The following AGBL4 variants were observed in gnomAD, a reference collection of about 807,000 sequenced individuals.
The protein encoded by AGBL4 is cytosolic carboxypeptidase 6.
A neutral mutation model predicts 66.4 loss-of-function variants in AGBL4; 58 were observed. The observed-to-expected ratio is 0.87, with a 90% CI of 0.71 to 1.09. The LOEUF (loss-of-function observed/expected upper bound fraction) is 1.09. Ranked by LOEUF, AGBL4 falls within the 50% of genes least tolerant of loss-of-function variation. The pLI is 0.00. For missense variants in AGBL4, 579 were observed against 631.0 expected (o/e 0.92, Z 0.88); for synonymous variants, 234 against 222.9 (o/e 1.05, Z -0.44).
At chr1:49,822,241 G>A (rs112945968) in intron 2 of AGBL4, among the ~76,000 whole-genome samples, 11 of 152,024 alleles carry the variant, frequency 7.2e-5, no homozygotes, top group African/African-American at 2.4e-4. Context: ...ATTTCCATCC[G>A]GGTCAACAAC....
chr1:49,846,207 A>T, intron 2 of AGBL4: 1 of 1,461,400 alleles, frequency 6.8e-7, no homozygotes, highest in Non-Finnish European at 9.6e-7. Context: ...TCACTCAGCC[A>T]GCACAAAAGG....
chr1:49,037,249 T>C (rs1314790873), intron 5 of AGBL4, among the ~76,000 whole-genome samples: 1 of 152,006 alleles, frequency 6.6e-6, no homozygotes, highest in Non-Finnish European at 1.5e-5. Flanking sequence ...GTCATTCCTA[T>C]TATTATATAT....
intron 6 of AGBL4, among the ~76,000 whole-genome samples, chr1:48,759,527 T>G (rs557426335): frequency 1.3e-5 from 2 of 152,354 alleles, no homozygotes; most frequent in South Asian, 4.1e-4. Flanking sequence ...GGACACTGGT[T>G]TCCCAGGCCT....
At chr1:49,221,036 A>G (rs1381998828) in intron 4 of AGBL4, among the ~76,000 whole-genome samples, 2 of 152,164 alleles carry the variant, frequency 1.3e-5, no homozygotes, top group African/African-American at 2.4e-5. Context: ...GGTCTCCAAT[A>G]GCTCACAATC....
intron 4 of AGBL4, among the ~76,000 whole-genome samples, chr1:49,185,234 C>T (rs1359872395): frequency 6.6e-6 from 1 of 152,178 alleles, no homozygotes; most frequent in Non-Finnish European, 1.5e-5. Context: ...AGAAAATCCA[C>T]TTGACATAAC....
At chr1:49,297,394 G>T (rs1465812464) in intron 3 of AGBL4, among the ~76,000 whole-genome samples, 2 of 152,182 alleles carry the variant, frequency 1.3e-5, no homozygotes, top group Non-Finnish European at 2.9e-5. Flanking sequence ...ACAGGTTAAA[G>T]AAAGAGTGCT....
chr1:49,452,023 C>T (rs75969515), intron 3 of AGBL4, among the ~76,000 whole-genome samples: 5 of 151,838 alleles, frequency 3.3e-5, no homozygotes, highest in African/African-American at 4.8e-5. Context: ...CAATACTAAA[C>T]CTTCACCCAA....
At chr1:49,192,443 C>G (rs1305273848) in intron 4 of AGBL4, among the ~76,000 whole-genome samples, 1 of 152,084 alleles carries the variant, frequency 6.6e-6, no homozygotes, top group Non-Finnish European at 1.5e-5. Flanking sequence ...GGATTATAGG[C>G]ACACGCCACC....
intron 3 of AGBL4, among the ~76,000 whole-genome samples, chr1:49,619,097 T>C (rs899880311): frequency 1.3e-5 from 2 of 152,114 alleles, no homozygotes; most frequent in Non-Finnish European, 2.9e-5. Context: ...CTATTCAACA[T>C]AGAACTGGAA....
At chr1:48,669,885 C>T (rs1481717744) in intron 6 of AGBL4, among the ~76,000 whole-genome samples, 2 of 152,124 alleles carry the variant, frequency 1.3e-5, no homozygotes, top group Non-Finnish European at 2.9e-5. Context: ...TTTCAGTTCC[C>T]GACTCGTTAG....
At chr1:48,776,792 A>G (rs1164802876) in intron 6 of AGBL4, 1 of 1,524,876 alleles carries the variant, frequency 6.6e-7, no homozygotes, top group African/African-American at 1.4e-5. Flanking sequence ...GGCAGCGCGT[A>G]GCAGACGTTG....
intron 4 of AGBL4, among the ~76,000 whole-genome samples, chr1:49,206,680 C>G (rs1648158402): frequency 1.3e-5 from 2 of 152,208 alleles, no homozygotes; most frequent in Non-Finnish European, 2.9e-5. Flanking sequence ...GGGCCATACA[C>G]TGCACCTGCG....
intron 4 of AGBL4, among the ~76,000 whole-genome samples, chr1:49,062,985 C>T (rs1442951164): frequency 1.3e-5 from 2 of 152,110 alleles, no homozygotes; most frequent in African/African-American, 4.8e-5. Context: ...TTCACAACTT[C>T]CTACTTTTTA....
At chr1:49,086,843 C>T (rs1161995032) in intron 4 of AGBL4, among the ~76,000 whole-genome samples, 1 of 152,022 alleles carries the variant, frequency 6.6e-6, no homozygotes, top group Non-Finnish European at 1.5e-5. Context: ...AGCCTGCCTG[C>T]CAACTGTAGC....
At chr1:49,217,516 C>T (rs1332020885) in intron 4 of AGBL4, among the ~76,000 whole-genome samples, 1 of 152,146 alleles carries the variant, frequency 6.6e-6, no homozygotes, top group African/African-American at 2.4e-5. Context: ...TATGCACCCA[C>T]CTTACACTTG....
intron 3 of AGBL4, among the ~76,000 whole-genome samples, chr1:49,453,560 A>G (rs1168528260): frequency 6.6e-6 from 1 of 151,814 alleles, no homozygotes; most frequent in Non-Finnish European, 1.5e-5. Flanking sequence ...TCATGCTCTC[A>G]AGGCAATAAA....
At chr1:48,869,981 C>G (rs540593767) in intron 5 of AGBL4, among the ~76,000 whole-genome samples, 2 of 152,068 alleles carry the variant, frequency 1.3e-5, no homozygotes, top group South Asian at 4.1e-4. Flanking sequence ...GTCCCCAAAT[C>G]CACAGACATT....
At chr1:49,374,987 TGA>T (rs1644442697) in intron 3 of AGBL4, among the ~76,000 whole-genome samples, 1 of 152,168 alleles carries the variant, frequency 6.6e-6, no homozygotes, top group Non-Finnish European at 1.5e-5. Flanking sequence ...GCTTTACCTT[TGA>T]CCAACCTCTC....
intron 4 of AGBL4, among the ~76,000 whole-genome samples, chr1:49,182,107 C>T (rs1021052338): frequency 6.6e-6 from 1 of 152,144 alleles, no homozygotes; most frequent in Non-Finnish European, 1.5e-5. Flanking sequence ...GCATATTAGA[C>T]CAGTTTCTAG....
Sources: allele counts gnomAD v4.1 joint callset (sites outside exome capture counted in the v4.1 genomes callset), GRCh38; gene constraint gnomAD v4.1.1; transcripts MANE v1.5; gene names NCBI Gene and HGNC (gene_info 2026-07-23, HGNC 2026-07-21).